The following NAV2 variants were observed in gnomAD, a reference collection of about 807,000 sequenced individuals.
NAV2 encodes helicase, APC down-regulated 1.
In NAV2, 54 loss-of-function variants were observed where a neutral mutation model predicts 223.2. The observed-to-expected ratio is 0.24, with a 90% CI of 0.19 to 0.30. The LOEUF is 0.30. NAV2 is among the 10% of genes least tolerant of loss of function. The pLI is 1.00. For synonymous variants in NAV2, 1,279 were observed against 1,239.3 expected (o/e 1.03, Z -0.67); for missense variants, 2,806 against 3,147.5 (o/e 0.89, Z 2.60).
At chr11:20,093,032 G>A (rs1366751071) in intron 28 of NAV2, 67 bp from the exon 29 acceptor site, 23 of 857,062 alleles carry the variant, frequency 2.7e-5, no homozygotes, top group East Asian at 1.0e-4. Context: ...AACCTGCAGC[G>A]GGGGTGTCAG....
chr11:20,040,829 C>T (rs568415921), intron 12 of NAV2, among the ~76,000 whole-genome samples: 30 of 152,260 alleles, frequency 2.0e-4, no homozygotes, highest in African/African-American at 6.7e-4. Flanking sequence ...TCCGCTGTTG[C>T]GAGCTCCAGG....
chr11:19,894,266 G>A (rs188008175), intron 6 of NAV2, among the ~76,000 whole-genome samples: 13 of 152,270 alleles, frequency 8.5e-5, no homozygotes, highest in East Asian at 5.8e-4. Flanking sequence ...GATTAATACC[G>A]TGCTTTCCCT....
intron 25 of NAV2, 154 bp from the exon 26 acceptor site, chr11:20,082,853 A>G: frequency 1.3e-6 from 1 of 757,406 alleles, no homozygotes; most frequent in Non-Finnish European, 2.1e-6. Flanking sequence ...TCCTCCCTTA[A>G]TGCACTGATT....
Position 20,118,391 on chromosome 11 carries a change from C to A in NAV2, c.*133C>A, listed in dbSNP as rs3802803. 1.8e-6 allele frequency: 2 copies of A among 1,086,868 alleles called. No homozygotes were observed. The highest frequency in any genetic ancestry group is 1.5e-5 in the South Asian group (1 of 67,602). The allele number at this position is 1,086,868 out of a possible 1,614,324, so 67.3% of individuals were successfully genotyped here. On this transcript the variant is annotated 3_prime_UTR_variant, in exon 38 of 38. Coordinates refer to ENST00000349880, the MANE Select transcript of NAV2 (RefSeq NM_145117.5). ...AGAGCTGCGGGAACACCGAGACCCCCCGTCCTTCAGCCTCGACCTGGGTGC... is the reference window on the plus strand; with the variant it reads ...AGAGCTGCGGGAACACCGAGACCCCACGTCCTTCAGCCTCGACCTGGGTGC...
At chr11:19,877,470 C>CTTTTTTTTTTTTTTCTTTTTTTTTTTTTT (rs1555114909) in intron 4 of NAV2, among the ~76,000 whole-genome samples, 1 of 82,622 alleles carries the variant, frequency 1.2e-5, no homozygotes, top group Non-Finnish European at 2.2e-5. Context: ...TATCTTCATT[C>CTTTTTTTTTTTTTTCTTTTTTTTTTTTTT]TTTTTTTTTT....
chr11:19,933,993 C>T lies in NAV2; in HGVS notation c.1749C>T (p.Ser583=). Residue 583 remains serine (S), a synonymous_variant, in exon 7 of 38, where the codon TCC becomes TCT. Coordinates refer to ENST00000349880, the MANE Select transcript of NAV2 (RefSeq NM_145117.5). The surrounding 1 kb of genome is among the most constrained non-coding windows in gnomAD (Gnocchi z 4.3). ...PGKSPSAPAP[S]KEGERSRSGK... is the part of the protein sequence containing the mutation. ...AATCCCCAAGTGCCCCAGCGCCTTC[C>T]AAGGAAGGGGAGCGGAGCCGGAGTG... is the stretch of plus-strand genomic sequence containing the variant. 5 of 1,596,612 alleles carry T rather than the reference C, an allele frequency of 3.1e-6. No individual in the cohort carries two copies. Among genetic ancestry groups the T allele is most frequent in the Non-Finnish European group, 4.3e-6 (5 of 1,173,240 alleles).
intron 1 of NAV2, among the ~76,000 whole-genome samples, chr11:19,694,377 G>T (rs1311230054): frequency 6.6e-6 from 1 of 152,224 alleles, no homozygotes; most frequent in Non-Finnish European, 1.5e-5. Flanking sequence ...AGGTGAAGGG[G>T]CAGGCCTCCG....
intron 4 of NAV2, among the ~76,000 whole-genome samples, chr11:19,878,633 A>G (rs2063003167): frequency 6.6e-6 from 1 of 152,190 alleles, no homozygotes; most frequent in Non-Finnish European, 1.5e-5. Context: ...TCGTATTGTC[A>G]GTTTCTTCAG....
intron 1 of NAV2, among the ~76,000 whole-genome samples, chr11:19,636,636 G>A (rs560189877): frequency 2.6e-5 from 4 of 152,152 alleles, no homozygotes; most frequent in Admixed American, 1.3e-4. Context: ...GACTACAGGA[G>A]TATTTTTGTA....
chr11:19,911,505 C>T lies in NAV2; in HGVS notation c.931+18911C>T, dbSNP rs1591198315. 2.0e-5 allele frequency among the ~76,000 whole-genome samples: 3 copies of T among 152,306 alleles called. No homozygotes were observed. In the South Asian group the frequency reaches 6.2e-4, roughly 32 times the overall value. ...TTCTACCCAGCAAATTGGTGCTAGA[C>T]TCCAAGTTTTGTGAGGGCAGGGAGC... is the stretch of plus-strand genomic sequence containing the variant. On this transcript the variant is annotated intron_variant, in intron 6 of 37. Coordinates refer to ENST00000349880, the MANE Select transcript of NAV2 (RefSeq NM_145117.5).
intron 11 of NAV2, among the ~76,000 whole-genome samples, chr11:19,988,977 G>A (rs1206683287): frequency 6.6e-6 from 1 of 152,168 alleles, no homozygotes; most frequent in Non-Finnish European, 1.5e-5. Flanking sequence ...GCCCTTACCA[G>A]GTGGTAGGTC....
intron 1 of NAV2, among the ~76,000 whole-genome samples, chr11:19,613,530 C>G (rs937521758): frequency 2.0e-5 from 3 of 152,276 alleles, no homozygotes; most frequent in East Asian, 3.9e-4. Flanking sequence ...ATGCCCTAAT[C>G]AGACTGTTGA....
intron 1 of NAV2, among the ~76,000 whole-genome samples, chr11:19,372,042 G>A (rs1475381181): frequency 1.3e-5 from 2 of 152,040 alleles, no homozygotes; most frequent in Non-Finnish European, 2.9e-5. Context: ...GCCTCCTGAA[G>A]CGCTGGGATT....
intron 1 of NAV2, among the ~76,000 whole-genome samples, chr11:19,421,953 G>C (rs2133501543): frequency 6.6e-6 from 1 of 152,204 alleles, no homozygotes; most frequent in Non-Finnish European, 1.5e-5. Flanking sequence ...CACTGTACAA[G>C]TCACCTAGTG....
intron 11 of NAV2, among the ~76,000 whole-genome samples, chr11:20,001,301 T>A (rs16937343): frequency 0.078 from 11,861 of 152,276 alleles, 595 homozygotes; most frequent in East Asian, 0.16. Context: ...GACCCCGTGC[T>A]ATCCTTTATT....
chr11:20,065,297 C>A (rs554868650), intron 20 of NAV2, among the ~76,000 whole-genome samples: 3 of 152,144 alleles, frequency 2.0e-5, no homozygotes, highest in African/African-American at 2.4e-5. Flanking sequence ...GACCAAGGAG[C>A]CTGCTGAGAG....
Position 19,712,929 on chromosome 11 carries a change from G to C in NAV2, c.-767G>C, listed in dbSNP as rs2049975956. On this transcript the variant is annotated 5_prime_UTR_variant, in exon 1 of 38. Transcript: ENST00000349880. The stretch of plus-strand genomic sequence containing the variant: ...CGCAGCCCTGCCCGGCCCGCCAGCC[G>C]CGCGTCCCGGCGCCCGCGCCCCACG... Among the ~76,000 whole-genome samples the C allele has an allele frequency of 6.6e-6, 1 of 151,590 alleles. No homozygotes were observed. The highest frequency in any genetic ancestry group is 1.5e-5 in the Non-Finnish European group (1 of 67,854).
chr11:19,948,552 C>A, intron 9 of NAV2, 139 bp from the exon 10 acceptor site: 1 of 795,188 alleles, frequency 1.3e-6, no homozygotes, highest in Non-Finnish European at 1.8e-6. Context: ...GGAAGCACAT[C>A]AGGTGGTACA....
At chr11:19,915,554 CA>C (rs2043733422) in intron 6 of NAV2, among the ~76,000 whole-genome samples, 1 of 152,228 alleles carries the variant, frequency 6.6e-6, no homozygotes, top group African/African-American at 2.4e-5. Context: ...TGCAGCTCTC[CA>C]TTTGAAATGC....
Sources: allele counts gnomAD v4.1 joint callset (sites outside exome capture counted in the v4.1 genomes callset), GRCh38; gene constraint gnomAD v4.1.1; non-coding constraint Gnocchi (gnomAD v3.1); transcripts MANE v1.5; gene names NCBI Gene and HGNC (gene_info 2026-07-23, HGNC 2026-07-21).